Variants in TUT7 observed in about 807,000 individuals in gnomAD.
The protein encoded by TUT7 is terminal uridylyltransferase 7.
TUT7 carries 33 observed loss-of-function variants against 165.9 expected under a neutral mutation model. That is an observed-to-expected ratio of 0.20 (90% CI 0.15 to 0.27). TUT7 has a LOEUF of 0.27. Among genes scored for constraint, TUT7 ranks in the 10% least tolerant of loss-of-function variants. TUT7 has a pLI of 1.00. For synonymous variants in TUT7, 552 were observed against 608.1 expected (o/e 0.91, Z 1.36); for missense variants, 1,338 against 1,762.3 (o/e 0.76, Z 4.31).
In TUT7 at chr9:86,290,325, G is replaced by T. The variant is rs190571914; in HGVS notation, c.4421-1581C>A. Reference sequence around the variant, plus strand: ...TTCTAAATTTTCCATAGCAAACATAGTAAGTATGCAAATAAAAACATTCCC... The same window carrying T: ...TTCTAAATTTTCCATAGCAAACATATTAAGTATGCAAATAAAAACATTCCC... On this transcript the variant is annotated intron_variant, in intron 26 of 26. Transcript: ENST00000375963. Among the ~76,000 whole-genome samples the T allele has an allele frequency of 1.5e-3, 235 of 152,196 alleles. 1 individual carries two copies. Among genetic ancestry groups the T allele is most frequent in the Non-Finnish European group, 2.5e-3 (173 of 68,010 alleles).
intron 2 of TUT7, 46 bp downstream of exon 2, chr9:86,352,634 C>T (rs1190259727): frequency 3.1e-6 from 5 of 1,605,134 alleles, no homozygotes; most frequent in Non-Finnish European, 4.3e-6. Flanking sequence ...AAGAATAAAA[C>T]ATTGCTGACT....
In TUT7 at chr9:86,337,400, C is replaced by T. The variant is rs1564085944; in HGVS notation, c.1455+19G>A. On this transcript the variant is annotated intron_variant, in intron 10 of 26. Transcript: ENST00000375963. ...AATAAAATCTGTTCAGATATATAAG[C>T]AAAAAAAATGTTTTATACCCATGAT... is the stretch of plus-strand genomic sequence containing the variant. 2 of 1,592,198 alleles carry T rather than the reference C, an allele frequency of 1.3e-6. No individual in the cohort carries two copies. The highest frequency in any genetic ancestry group is 4.5e-5 in the East Asian group (2 of 44,598).
intron 26 of TUT7, among the ~76,000 whole-genome samples, chr9:86,300,701 A>G (rs1286111300): frequency 1.3e-5 from 2 of 152,256 alleles, no homozygotes; most frequent in Non-Finnish European, 2.9e-5. Context: ...CTGCTAATAG[A>G]TATTTTCTTC....
chr9:86,292,299 A>C (rs1825959283), intron 26 of TUT7, among the ~76,000 whole-genome samples: 1 of 152,106 alleles, frequency 6.6e-6, no homozygotes, highest in Admixed American at 6.6e-5. Flanking sequence ...CATATGAAAG[A>C]GTATAAAAAA....
At chr9:86,335,844 C>T (rs1190247758) in intron 10 of TUT7, among the ~76,000 whole-genome samples, 1 of 152,068 alleles carries the variant, frequency 6.6e-6, no homozygotes, top group East Asian at 1.9e-4. Flanking sequence ...GATTTCAATC[C>T]AGTGTTTGAT....
intron 16 of TUT7, among the ~76,000 whole-genome samples, chr9:86,317,608 T>C (rs1230137642): frequency 1.3e-5 from 2 of 152,204 alleles, no homozygotes; most frequent in Non-Finnish European, 2.9e-5. Context: ...ATCACTCGGA[T>C]GTACCCCATG....
At chr9:86,328,026 C>T (rs1248650934) in intron 11 of TUT7, among the ~76,000 whole-genome samples, 1 of 152,132 alleles carries the variant, frequency 6.6e-6, no homozygotes, top group East Asian at 1.9e-4. Flanking sequence ...AGCTAGTTAA[C>T]CTTTCATACA....
chr9:86,346,452 C>T lies in TUT7; in HGVS notation c.549G>A (p.Arg183=), dbSNP rs1421332310. ...CCTCATTTCTAGTCTTCCGTGGCTT[C>T]CTAGGTCTGGACCTCTGCTTCTTGT... ...PENKKQRSRP[R]KPRKTRNEEN... The change falls in exon 3 of 27, where the codon AGG becomes AGA. Residue 183 remains arginine, a synonymous_variant. Coordinates refer to ENST00000375963, the MANE Select transcript of TUT7 (RefSeq NM_024617.4). The T allele has an allele frequency of 4.3e-6, 7 of 1,613,892 alleles. No homozygotes were observed. Among genetic ancestry groups the T allele is most frequent in the Middle Eastern group, 1.7e-4 (1 of 6,058 alleles).
chr9:86,302,600 G>C (rs1827037872), intron 25 of TUT7, among the ~76,000 whole-genome samples: 1 of 150,452 alleles, frequency 6.6e-6, no homozygotes, highest in African/African-American at 2.4e-5. Flanking sequence ...TTACAGGCAT[G>C]AGCTACTACA....
intron 21 of TUT7, 66 bp from the exon 22 acceptor site, chr9:86,308,672 G>T (rs1337564817): frequency 3.1e-6 from 4 of 1,292,276 alleles, no homozygotes; most frequent in African/African-American, 1.5e-5. Context: ...ATATTCATTT[G>T]TATTTTAGGG....
At chr9:86,351,951 A>G (rs191709159) in intron 2 of TUT7, among the ~76,000 whole-genome samples, 2 of 152,310 alleles carry the variant, frequency 1.3e-5, no homozygotes, top group East Asian at 1.9e-4. Context: ...TCGTTGCCAC[A>G]TGGATAAAAT....
In TUT7 at chr9:86,325,483, G is replaced by A. The variant is rs751443994; in HGVS notation, c.1640C>T (p.Pro547Leu). The A allele has an allele frequency of 1.9e-6, 3 of 1,613,830 alleles. No individual in the cohort carries two copies. Among genetic ancestry groups the A allele is most frequent in the Non-Finnish European group, 2.5e-6 (3 of 1,179,878 alleles). ...CCAGAGCTGCCCAACTGGTACTGAA[G>A]GCTGGTGTTTCACATCCAATATTAA... is the stretch of plus-strand genomic sequence containing the variant. ...VSLILDVKHQ[P>L]SVPVGQLWVE... The change falls in exon 12 of 27, where the codon CCT (proline) becomes CTT (leucine). Residue 547 changes from proline to leucine, a missense_variant. Pro to Leu is a moderately conservative substitution (Grantham distance 98). Around this residue, in one of 7 missense-constraint regions of TUT7, gnomAD observed 53 missense variants for 46.3 expected, o/e 1.15. Coordinates refer to ENST00000375963, the MANE Select transcript of TUT7 (RefSeq NM_024617.4).
chr9:86,323,378 C>T lies in TUT7; in HGVS notation c.2372G>A (p.Gly791Asp). ...NESESTLDLE[G>D]FQNPTAKECE... ...CTCTTTAGCTGTGGGATTTTGGAAGCCTTCTAAATCCAAAGTGCTCTCTGA... is the reference window on the plus strand; with the variant it reads ...CTCTTTAGCTGTGGGATTTTGGAAGTCTTCTAAATCCAAAGTGCTCTCTGA... Residue 791 changes from glycine (G) to aspartate (D), a missense_variant, in exon 13 of 27, where the codon GGC becomes GAC. Transcript: ENST00000375963. 6.2e-7 allele frequency: 1 copy of T among 1,614,134 alleles called. No individual in the cohort carries two copies. Among genetic ancestry groups the T allele is most frequent in the Non-Finnish European group, 8.5e-7 (1 of 1,180,040 alleles).
chr9:86,309,851 A>C, intron 19 of TUT7, 77 bp downstream of exon 19: 1 of 1,399,938 alleles, frequency 7.1e-7, no homozygotes. Flanking sequence ...GTTCATTAAA[A>C]AATAGATTTA....
intron 26 of TUT7, among the ~76,000 whole-genome samples, chr9:86,291,560 G>A (rs1365335650): frequency 8.6e-5 from 10 of 115,814 alleles, no homozygotes; most frequent in East Asian, 5.1e-4. Flanking sequence ...CAACAAGAGC[G>A]AAACTCCATC....
chr9:86,347,996 A>G (rs1831922616), intron 2 of TUT7, among the ~76,000 whole-genome samples: 1 of 152,198 alleles, frequency 6.6e-6, no homozygotes, highest in South Asian at 2.1e-4. Context: ...TGTTTATTAC[A>G]GGTTTCTTAG....
chr9:86,308,312 G>A (rs1297356684), intron 22 of TUT7, 117 bp downstream of exon 22: 32 of 873,658 alleles, frequency 3.7e-5, no homozygotes, highest in Non-Finnish European at 5.2e-5. Context: ...TATGGACAAT[G>A]AGACTGGGGC....
chr9:86,353,554 CTG>C (rs1459154849), intron 1 of TUT7, among the ~76,000 whole-genome samples: 1 of 152,176 alleles, frequency 6.6e-6, no homozygotes, highest in Non-Finnish European at 1.5e-5. Flanking sequence ...GCTTTTCCCT[CTG>C]TAACAAGGCG....
In TUT7 at chr9:86,313,126, T is replaced by TAATAAATAAATA. The variant is rs111966143; in HGVS notation, c.3275-2329_3275-2318dup. On this transcript the variant is annotated intron_variant, in intron 17 of 26. Transcript: ENST00000375963. ...GCGAGAAACACCCAAGAATGATCAATAATAAATAAATAAATAAATAAATAA... is the reference window on the plus strand; with the variant it reads ...GCGAGAAACACCCAAGAATGATCAATAATAAATAAATAAATAAATAAATAAATAAATAAATAA... 3.3e-4 allele frequency among the ~76,000 whole-genome samples: 47 copies of TAATAAATAAATA among 142,606 alleles called. No individual in the cohort carries two copies. In the South Asian group the frequency reaches 3.4e-3, roughly 10 times the overall value. 93.6% of individuals were successfully genotyped at this position (142,606 alleles called of 152,430 possible). A position where few individuals can be genotyped will look rare whatever the true frequency, so the allele number is the denominator to read the frequency against.
Sources: gnomAD v4.1 joint callset for allele counts (sites outside exome capture counted in the v4.1 genomes callset) on GRCh38, gnomAD v4.1.1 for gene constraint, gnomAD v4.1.1 regional missense constraint, MANE v1.5 for transcripts, NCBI Gene and HGNC (gene_info 2026-07-23, HGNC 2026-07-21) for gene names.